YEATS4: variants seen among roughly 807,000 people sequenced by gnomAD.
YEATS4 encodes the protein YEATS domain containing 4, also known as YEATS domain-containing protein 4.
In YEATS4, 17 loss-of-function variants were observed where a neutral mutation model predicts 30.1. The observed-to-expected ratio is 0.56, with a 90% confidence interval of 0.39 to 0.85. YEATS4 has a LOEUF of 0.85. Among genes scored for constraint, YEATS4 ranks in the 40% least tolerant of loss-of-function variants. The pLI is 0.00. For missense variants in YEATS4, 142 were observed against 268.3 expected, an observed-to-expected ratio of 0.53 and a Z score of 3.29; for synonymous variants, 85 against 87.5, an observed-to-expected ratio of 0.97 and a Z score of 0.16.
chr12:69,404,341 G>A, the YEATS4 span, among the ~76,000 whole-genome samples: 1 of 152,158 alleles, frequency 6.6e-6, no homozygotes. Context: ...TCCAAAGCTC[G>A]TGCTAAAATT....
At chr12:69,425,789 C>A in the YEATS4 span, among the ~76,000 whole-genome samples, 5 of 152,202 alleles carry the variant, frequency 3.3e-5, no homozygotes, top group Non-Finnish European at 2.9e-5. Flanking sequence ...CCACTCTGTG[C>A]ACCATAATTA....
chr12:69,379,583 ATTTTTTTTTTTTTTTTTTTTTTTTTT>A (rs61048163), intron 6 of YEATS4, among the ~76,000 whole-genome samples: 2 of 72,272 alleles, frequency 2.8e-5, no homozygotes, highest in East Asian at 3.7e-4. Flanking sequence ...TGCCCAGCTA[ATTTTTTTTTTTTTTTTTTTTTTTTTT>A]TTTTTTTTTT....
intron 6 of YEATS4, among the ~76,000 whole-genome samples, chr12:69,384,616 TG>T (rs1292672607): frequency 1.3e-5 from 2 of 152,242 alleles, no homozygotes; most frequent in East Asian, 3.8e-4. Context: ...GATATTTAAA[TG>T]TTTTTTTGAA....
Position 69,390,276 on chromosome 12 carries a change from TC to T in YEATS4, c.645del (p.Arg216GlufsTer17). On this transcript the variant is annotated frameshift_variant, in exon 7 of 7. Transcript: ENST00000247843. LOFTEE classifies it high-confidence loss of function. ...RETINCLKNE[I>X]RKLEEDDQAK... ...ACTATAAATTGTTTAAAAAATGAAATCAGAAAACTTGAAGAAGATGACCAAG... is the reference window on the plus strand; with the variant it reads ...ACTATAAATTGTTTAAAAAATGAAATAGAAAACTTGAAGAAGATGACCAAG... The T allele has an allele frequency of 1.9e-6, 3 of 1,596,542 alleles. No individual in the cohort carries two copies. The highest frequency in any genetic ancestry group is 2.6e-6 in the Non-Finnish European group (3 of 1,175,568).
intron 6 of YEATS4, among the ~76,000 whole-genome samples, chr12:69,380,364 G>A (rs763361651): frequency 3.3e-5 from 5 of 152,224 alleles, no homozygotes; most frequent in African/African-American, 4.8e-5. Context: ...TGTAGGGTAC[G>A]ACTTTGGTGG....
intron 6 of YEATS4, among the ~76,000 whole-genome samples, chr12:69,382,252 A>T (rs1876108233): frequency 6.6e-6 from 1 of 152,228 alleles, no homozygotes; most frequent in Admixed American, 6.5e-5. Context: ...TAAATCATTA[A>T]TTTGATTAGC....
chr12:69,369,221 A>C (rs548966092), intron 4 of YEATS4, among the ~76,000 whole-genome samples: 3 of 152,262 alleles, frequency 2.0e-5, no homozygotes, highest in African/African-American at 7.2e-5. Flanking sequence ...TTAAATCCCT[A>C]ATACTGGATT....
At chr12:69,360,236 C>T (rs1004119055) in intron 1 of YEATS4, among the ~76,000 whole-genome samples, 1 of 152,110 alleles carries the variant, frequency 6.6e-6, no homozygotes, top group Admixed American at 6.5e-5. Context: ...CTCCCACCCC[C>T]GCCAAAAAAC....
chr12:69,361,704 A>T (rs956981132), intron 1 of YEATS4, among the ~76,000 whole-genome samples: 1 of 152,226 alleles, frequency 6.6e-6, no homozygotes, highest in African/African-American at 2.4e-5. Context: ...TTGGTTTCAG[A>T]TTCATGTGCA....
At chr12:69,380,297 C>T (rs1164798651) in intron 6 of YEATS4, among the ~76,000 whole-genome samples, 1 of 152,180 alleles carries the variant, frequency 6.6e-6, no homozygotes, top group Admixed American at 6.5e-5. Flanking sequence ...GTCACTGCAG[C>T]CATATCTGCA....
chr12:69,419,325 A>G, the YEATS4 span, among the ~76,000 whole-genome samples: 1 of 149,350 alleles, frequency 6.7e-6, no homozygotes, highest in Non-Finnish European at 1.5e-5. Flanking sequence ...GGCTCAAGAC[A>G]TCCTCTTTCC....
chr12:69,359,772 G>A lies in YEATS4; in HGVS notation c.-201G>A, dbSNP rs1286611968. On this transcript the variant is annotated 5_prime_UTR_variant, in exon 1 of 7. Transcript: ENST00000247843. ...TTTCGCGGCGTTCTCCACCTGCGCG[G>A]GCCTGAATGGCCTTCAGGAGCACAG... 1 of 600,602 alleles carries A rather than the reference G, an allele frequency of 1.7e-6. No homozygotes were observed. Among genetic ancestry groups the A allele is most frequent in the East Asian group, 3.0e-5 (1 of 32,906 alleles). The allele number at this position is 600,602 out of a possible 1,614,324, so 37.2% of individuals were successfully genotyped here. A position where few individuals can be genotyped will look rare whatever the true frequency, so the allele number is the denominator to read the frequency against.
intron 4 of YEATS4, among the ~76,000 whole-genome samples, chr12:69,368,598 C>T (rs569660371): frequency 6.6e-6 from 1 of 152,134 alleles, no homozygotes; most frequent in Non-Finnish European, 1.5e-5. Flanking sequence ...TGTTAGTTTT[C>T]TGGTACCATA....
At chr12:69,425,574 T>A in the YEATS4 span, among the ~76,000 whole-genome samples, 14 of 152,280 alleles carry the variant, frequency 9.2e-5, no homozygotes, top group South Asian at 2.9e-3. Context: ...CCAACCAGAC[T>A]GTGGAGTCTT....
chr12:69,362,348 G>GA (rs11381456), intron 1 of YEATS4, among the ~76,000 whole-genome samples: 61,027 of 151,932 alleles, frequency 0.4, 12,562 homozygotes, highest in Non-Finnish European at 0.46. Flanking sequence ...GTAAAAAAGT[G>GA]AAAAATGTTT....
At chr12:69,403,438 G>A in the YEATS4 span, among the ~76,000 whole-genome samples, 5 of 152,012 alleles carry the variant, frequency 3.3e-5, no homozygotes, top group African/African-American at 4.8e-5. Context: ...TTAGCCAGGC[G>A]TGGTATCGCA....
chr12:69,412,647 C>T, the YEATS4 span, among the ~76,000 whole-genome samples: 3 of 151,838 alleles, frequency 2.0e-5, no homozygotes, highest in South Asian at 2.1e-4. Context: ...AGCAAGACTC[C>T]GTCTCAAAAC....
intron 6 of YEATS4, among the ~76,000 whole-genome samples, chr12:69,379,282 G>A (rs1411728697): frequency 6.6e-6 from 1 of 151,990 alleles, no homozygotes; most frequent in Non-Finnish European, 1.5e-5. Flanking sequence ...TAACCTTCTT[G>A]TACTTGAATA....
chr12:69,399,695 A>G, the YEATS4 span, among the ~76,000 whole-genome samples: 1 of 152,254 alleles, frequency 6.6e-6, no homozygotes, highest in Non-Finnish European at 1.5e-5. Context: ...ATGAATATTT[A>G]TAGGAGCATC....
Sources: allele counts gnomAD v4.1 joint callset (sites outside exome capture counted in the v4.1 genomes callset), GRCh38; gene constraint gnomAD v4.1.1; transcripts MANE v1.5; gene names NCBI Gene and HGNC (gene_info 2026-07-23, HGNC 2026-07-21).